The following TNFAIP2 variants were observed in gnomAD, a reference collection of about 807,000 sequenced individuals.
The protein encoded by TNFAIP2 is TNF alpha induced protein 2, also known as tumor necrosis factor alpha-induced protein 2.
In TNFAIP2, 47 loss-of-function variants were observed where a neutral mutation model predicts 63.5. The observed-to-expected ratio is 0.74, with a 90% CI of 0.59 to 0.94. TNFAIP2 has a LOEUF of 0.94. Among genes scored for constraint, TNFAIP2 ranks in the 40% least tolerant of loss-of-function variants. TNFAIP2 has a pLI of 0.00. For synonymous variants in TNFAIP2, 405 were observed against 390.2 expected (o/e 1.04, Z -0.45); for missense variants, 787 against 850.2 (o/e 0.93, Z 0.92).
upstream of TNFAIP2, among the ~76,000 whole-genome samples, chr14:103,122,012 C>G (rs1322871033): frequency 6.6e-6 from 1 of 152,194 alleles, no homozygotes; most frequent in African/African-American, 2.4e-5. Context: ...CCTCATCGCC[C>G]CTGTGTGGAT....
Position 103,127,544 on chromosome 14 carries a change from G to T in TNFAIP2, c.775G>T (p.Ala259Ser). 1 of 1,585,588 alleles carries T rather than the reference G, an allele frequency of 6.3e-7. No homozygotes were observed. The highest frequency in any genetic ancestry group is 1.7e-5 in the Admixed American group (1 of 57,842). ...YAESYHQHFA[A>S]HLAAVAQFEL... ...CGAGAGCTACCACCAGCACTTCGCG[G>T]CCCACCTGGCCGCCGTGGCGCAGTT... Residue 259 changes from alanine (A) to serine (S), a missense_variant, in exon 3 of 12, where the codon GCC (alanine) becomes TCC (serine). By Grantham distance (99) the Ala-to-Ser change is moderately conservative. Transcript: ENST00000560869. The surrounding 1 kb of genome is among the most constrained non-coding windows in gnomAD (Gnocchi z 5.1).
At chr14:103,124,760 CT>C (rs1191853120) in intron 1 of TNFAIP2, among the ~76,000 whole-genome samples, 1 of 152,226 alleles carries the variant, frequency 6.6e-6, no homozygotes, top group East Asian at 1.9e-4. Flanking sequence ...GGCCTTGCCC[CT>C]GGGGCTCCCT....
At position 103,127,626 on chromosome 14, in the gene TNFAIP2, C is replaced by G; in HGVS notation, c.857C>G (p.Pro286Arg). 2 of 1,492,978 alleles carry G rather than the reference C, an allele frequency of 1.3e-6. No homozygotes were observed. The highest frequency in any genetic ancestry group is 1.8e-6 in the Non-Finnish European group (2 of 1,119,272). 92.5% of individuals were successfully genotyped at this position (1,492,978 alleles called of 1,614,324 possible). The change falls in exon 3 of 12, where the codon CCC becomes CGC. Residue 286 changes from proline to arginine, a missense_variant. Physicochemically the swap from Pro to Arg is moderately radical, Grantham distance 103 (BLOSUM62 -2). Transcript: ENST00000560869. This position sits in a 1 kb window ranked among gnomAD's most constrained non-coding sequence, Gnocchi z 5.1. ...MLLLWVQNLY[P>R]NDIINSPKLV... ...CTGCTCTGGGTGCAGAACCTCTACCCCAAGTGAGCAGACCAGGGGCTGGGC... is the reference window on the plus strand; with the variant it reads ...CTGCTCTGGGTGCAGAACCTCTACCGCAAGTGAGCAGACCAGGGGCTGGGC...
In TNFAIP2 at chr14:103,126,875, A is replaced by T. The variant is rs1309174594; in HGVS notation, c.236-130A>T. ...GCCTTCAGCCTAGTCAGGGACACCG[A>T]CATCACCCTTTAGGGTGTTGGCCGC... On this transcript the variant is annotated intron_variant, in intron 2 of 11. Coordinates refer to ENST00000560869, the MANE Select transcript of TNFAIP2 (RefSeq NM_006291.4). The T allele has an allele frequency of 2.7e-5, 37 of 1,387,408 alleles. 1 individual carries two copies. The South Asian group carries it at 5.1e-4, about 19-fold the overall frequency. The allele number at this position is 1,387,408 out of a possible 1,614,324, so 85.9% of individuals were successfully genotyped here. A position where few individuals can be genotyped will look rare whatever the true frequency, so the allele number is the denominator to read the frequency against.
Position 103,135,106 on chromosome 14 carries a change from C to A in TNFAIP2, c.1824-113C>A. Reference sequence around the variant, plus strand: ...GTGAGGGAGAGTGAAGTGCAGCCCCCTCGTGGGCCGGGCGTTGGCTGTCGG... The same window carrying A: ...GTGAGGGAGAGTGAAGTGCAGCCCCATCGTGGGCCGGGCGTTGGCTGTCGG... On this transcript the variant is annotated intron_variant, in intron 11 of 11. Transcript: ENST00000560869. This position sits in a 1 kb window ranked among gnomAD's most constrained non-coding sequence, Gnocchi z 7.6. The A allele has an allele frequency of 5.1e-6, 7 of 1,364,158 alleles. No homozygotes were observed. In the South Asian group the frequency reaches 7.3e-5, roughly 14 times the overall value. 84.5% of individuals were successfully genotyped at this position (1,364,158 alleles called of 1,614,324 possible). A position where few individuals can be genotyped will look rare whatever the true frequency, so the allele number is the denominator to read the frequency against.
rs1297518887 is a variant in TNFAIP2 at position 103,126,699 on chromosome 14, T to G, written c.235+7T>G. ...GATGGCCCGCCCCCCACAGGTGCTC[T>G]AGGACCCTGGGTTAGAGCTAGTCTG... On this transcript the variant is annotated splice_region_variant and intron_variant, in intron 2 of 11. Coordinates refer to ENST00000560869, the MANE Select transcript of TNFAIP2 (RefSeq NM_006291.4). 4.5e-6 allele frequency: 7 copies of G among 1,558,352 alleles called. No individual in the cohort carries two copies. Among genetic ancestry groups the G allele is most frequent in the Non-Finnish European group, 6.1e-6 (7 of 1,150,878 alleles).
At chr14:103,129,948 C>T (rs2087936145) in intron 4 of TNFAIP2, 54 bp from the exon 5 acceptor site, 2 of 1,606,752 alleles carry the variant, frequency 1.2e-6, no homozygotes, top group African/African-American at 2.7e-5. Flanking sequence ...GACGGGTCTT[C>T]CAGGTGAGCG....
At position 103,132,802 on chromosome 14, in the gene TNFAIP2, T is replaced by C; in HGVS notation, c.1475T>C (p.Leu492Pro). 6.2e-7 allele frequency: 1 copy of C among 1,614,028 alleles called. No homozygotes were observed. The highest frequency in any genetic ancestry group is 8.5e-7 in the Non-Finnish European group (1 of 1,179,946). ...CGCTGGGCGGCCCCTGTGGAGACCC[T>C]GGAAAACATCATCGCCACTGTAGAC... The part of the protein sequence containing the change: ...HTRWAAPVET[L>P]ENIIATVDTR... Residue 492 changes from leucine (L) to proline (P), a missense_variant, in exon 9 of 12, where the codon CTG becomes CCG. Coordinates refer to ENST00000560869, the MANE Select transcript of TNFAIP2 (RefSeq NM_006291.4).
Position 103,132,970 on chromosome 14 carries a change from A to G in TNFAIP2, c.1545+98A>G. On this transcript the variant is annotated intron_variant, in intron 9 of 11. Coordinates refer to ENST00000560869, the MANE Select transcript of TNFAIP2 (RefSeq NM_006291.4). ...TGTGTACACTCACGCACATGTGCTC[A>G]CACGCGCACATGTGAACACACGTGA... is the stretch of plus-strand genomic sequence containing the variant. The G allele has an allele frequency of 2.0e-6, 3 of 1,534,696 alleles. No individual in the cohort carries two copies. The South Asian group carries it at 3.6e-5, about 18-fold the overall frequency.
In TNFAIP2 at chr14:103,133,700, C is replaced by A; in HGVS notation, c.1720C>A (p.Leu574Met). 1.9e-6 allele frequency: 3 copies of A among 1,577,036 alleles called. No homozygotes were observed. Among genetic ancestry groups the A allele is most frequent in the South Asian group, 2.3e-5 (2 of 87,596 alleles). ...CCTGCAGGGCTCCCCGGCGACCTGG[C>A]TGCAGCCTGCTCTCCCTACGCTGGC... Reference protein sequence around the residue: ...CTQHGSPATWLQPALPTLAEI... With the variant: ...CTQHGSPATWMQPALPTLAEI... The change falls in exon 11 of 12, where the codon CTG becomes ATG. Residue 574 changes from leucine (L) to methionine (M), a missense_variant. Physicochemically the swap from Leu to Met is conservative, Grantham distance 15 (BLOSUM62 2). This residue lies in a region of TNFAIP2 where 523 missense variants were observed against 604.1 expected (regional missense o/e 0.87). Coordinates refer to ENST00000560869, the MANE Select transcript of TNFAIP2 (RefSeq NM_006291.4).
At chr14:103,130,152 T>C in intron 5 of TNFAIP2, 28 bp downstream of exon 5, 1 of 1,603,162 alleles carries the variant, frequency 6.2e-7, no homozygotes. Flanking sequence ...AGGGCACACG[T>C]ACCGCCCGTG....
Position 103,131,560 on chromosome 14 carries a change from GA to G in TNFAIP2, c.1299-78del. The G allele has an allele frequency of 6.7e-7, 1 of 1,486,408 alleles. No homozygotes were observed. The highest frequency in any genetic ancestry group is 1.3e-5 in the South Asian group (1 of 77,740). 92.1% of individuals were successfully genotyped at this position (1,486,408 alleles called of 1,614,324 possible). ...GCCATTGAGGGTTCTAGAGTGAAGA[GA>G]GGGGGCTGTCTGGCTCCCTGGGTAT... On this transcript the variant is annotated intron_variant, in intron 7 of 11. Transcript: ENST00000560869. The surrounding 1 kb of genome is among the most constrained non-coding windows in gnomAD (Gnocchi z 4.0).
At chr14:103,134,926 C>G (rs971803483) in intron 11 of TNFAIP2, among the ~76,000 whole-genome samples, 5 of 152,152 alleles carry the variant, frequency 3.3e-5, no homozygotes, top group African/African-American at 9.7e-5. Flanking sequence ...GACAAGAAAG[C>G]CTTTTGGGGG....
At position 103,131,095 on chromosome 14, in the gene TNFAIP2, C is replaced by A. The variant is rs374639192; in HGVS notation, c.1243C>A (p.Leu415Met). 49 of 1,614,230 alleles carry A rather than the reference C, an allele frequency of 3.0e-5. No individual in the cohort carries two copies. Among genetic ancestry groups the A allele is most frequent in the Middle Eastern group, 1.6e-4 (1 of 6,062 alleles). ...FNEFLERGKQ[L>M]TNYRANVIAN... ...TGAATTTCTGGAGAGAGGCAAGCAG[C>A]TGACGAATTACAGGGCCAATGTTAT... The change falls in exon 7 of 12, where the codon CTG (leucine) becomes ATG (methionine). Residue 415 changes from leucine to methionine, a missense_variant. By Grantham distance (15) the Leu-to-Met change is conservative. This residue lies in a region of TNFAIP2 where 523 missense variants were observed against 604.1 expected (regional missense o/e 0.87). Coordinates refer to ENST00000560869, the MANE Select transcript of TNFAIP2 (RefSeq NM_006291.4). The surrounding 1 kb of genome is among the most constrained non-coding windows in gnomAD (Gnocchi z 4.0).
chr14:103,128,572 A>G (rs1227516909), intron 3 of TNFAIP2, among the ~76,000 whole-genome samples: 6 of 151,974 alleles, frequency 3.9e-5, no homozygotes, highest in Non-Finnish European at 7.4e-5. Flanking sequence ...GCCTGGAGGT[A>G]TAGACAGTGT....
chr14:103,134,708 TGGA>T lies in TNFAIP2; in HGVS notation c.1824-509_1824-507del, dbSNP rs1462177870. Among the ~76,000 whole-genome samples the T allele has an allele frequency of 4.6e-5, 7 of 151,880 alleles. No individual in the cohort carries two copies. In the East Asian group the frequency reaches 1.3e-3, roughly 29 times the overall value. On this transcript the variant is annotated intron_variant, in intron 11 of 11. Transcript: ENST00000560869. ...CATCTACCTATGCCACCAACAATTA[TGGA>T]GAAGTCTGCTAGGTGTCAGCCTCTG... is the stretch of plus-strand genomic sequence containing the variant.
chr14:103,129,953 T>G (rs1336387611), intron 4 of TNFAIP2, 49 bp from the exon 5 acceptor site: 9 of 1,606,198 alleles, frequency 5.6e-6, no homozygotes, highest in Admixed American at 1.7e-5. Context: ...GTCTTCCAGG[T>G]GAGCGAGGTG....
chr14:103,130,112 C>G lies in TNFAIP2; in HGVS notation c.1086C>G (p.Ile362Met). Residue 362 changes from isoleucine (I) to methionine (M), a missense_variant, in exon 5 of 12, where the codon ATC (isoleucine) becomes ATG (methionine). Transcript: ENST00000560869. Reference protein sequence around the residue: ...LDGHCHSELAIDIIQITSQAQ... With the variant: ...LDGHCHSELAMDIIQITSQAQ... Reference sequence around the variant, plus strand: ...GCCACTGCCACAGCGAGCTGGCCATCGACATCATCCAGGTACTGCAATCTG... The same window carrying G: ...GCCACTGCCACAGCGAGCTGGCCATGGACATCATCCAGGTACTGCAATCTG... 1.2e-6 allele frequency: 2 copies of G among 1,612,960 alleles called. No individual in the cohort carries two copies. Among genetic ancestry groups the G allele is most frequent in the Non-Finnish European group, 1.7e-6 (2 of 1,179,654 alleles).
chr14:103,122,650 A>T, upstream of TNFAIP2: 1 of 455,984 alleles, frequency 2.2e-6, no homozygotes, highest in African/African-American at 2.0e-5. Flanking sequence ...CTGGAAACGG[A>T]GGCCTGCGCT....
Sources: gnomAD v4.1 joint callset for allele counts (sites outside exome capture counted in the v4.1 genomes callset) on GRCh38, gnomAD v4.1.1 for gene constraint, gnomAD v4.1.1 regional missense constraint, Gnocchi (gnomAD v3.1) non-coding constraint, MANE v1.5 for transcripts, NCBI Gene and HGNC (gene_info 2026-07-23, HGNC 2026-07-21) for gene names.